SGCZ: variants seen among roughly 807,000 people sequenced by gnomAD.
SGCZ encodes zeta-sarcoglycan.
In SGCZ, 40 loss-of-function variants were observed where a neutral mutation model predicts 41.3. That is an observed-to-expected ratio of 0.97 (90% CI 0.75 to 1.26). The LOEUF (loss-of-function observed/expected upper bound fraction) is 1.26. Ranked by LOEUF, SGCZ falls within the 50% of genes most tolerant of loss-of-function variation. The pLI is 0.00. For missense variants in SGCZ, 552 were observed against 369.8 expected, an observed-to-expected ratio of 1.49 and a Z score of -4.04; for synonymous variants, 206 against 137.5, an observed-to-expected ratio of 1.50 and a Z score of -3.49.
intron 2 of SGCZ, among the ~76,000 whole-genome samples, chr8:14,347,452 G>C (rs1342332356): frequency 6.6e-6 from 1 of 151,926 alleles, no homozygotes; most frequent in African/African-American, 2.4e-5. Context: ...AAAAAGTTAT[G>C]TTCTTCAGGA....
chr8:14,210,637 G>T (rs1261747537), intron 4 of SGCZ, among the ~76,000 whole-genome samples: 2 of 150,626 alleles, frequency 1.3e-5, no homozygotes. Flanking sequence ...TAAATTTTTT[G>T]TATTTTTTTA....
intron 2 of SGCZ, among the ~76,000 whole-genome samples, chr8:14,515,947 C>G (rs1563379814): frequency 1.3e-5 from 2 of 152,014 alleles, no homozygotes; most frequent in African/African-American, 4.8e-5. Context: ...ATCCAGTAAG[C>G]AATACCTTGT....
At chr8:15,042,292 T>G (rs1804130940) in intron 1 of SGCZ, among the ~76,000 whole-genome samples, 1 of 152,154 alleles carries the variant, frequency 6.6e-6, no homozygotes, top group Admixed American at 6.5e-5. Context: ...AGTTCCCTTT[T>G]GTGCTGATGC....
At position 14,550,188 on chromosome 8, in the gene SGCZ, G is replaced by C. The variant is rs897403119; in HGVS notation, c.234+4544C>G. 3.3e-5 allele frequency among the ~76,000 whole-genome samples: 5 copies of C among 151,820 alleles called. No individual in the cohort carries two copies. The South Asian group carries it at 8.3e-4, about 25-fold the overall frequency. On this transcript the variant is annotated intron_variant, in intron 2 of 7. Coordinates refer to ENST00000382080, the MANE Select transcript of SGCZ (RefSeq NM_139167.4). Reference sequence around the variant, plus strand: ...GAGAAGAGATAAATAAATGAGATTTGTTCATTCAGTGAAATGTATAGCAGT... The same window carrying C: ...GAGAAGAGATAAATAAATGAGATTTCTTCATTCAGTGAAATGTATAGCAGT...
intron 1 of SGCZ, among the ~76,000 whole-genome samples, chr8:15,212,729 G>C (rs747166770): frequency 2.0e-4 from 31 of 151,590 alleles, no homozygotes; most frequent in Non-Finnish European, 2.7e-4. Flanking sequence ...GCAGAATTTT[G>C]ACTGGTAAAT....
chr8:15,027,288 G>C (rs1199022704), intron 1 of SGCZ, among the ~76,000 whole-genome samples: 1 of 152,084 alleles, frequency 6.6e-6, no homozygotes, highest in Admixed American at 6.5e-5. Flanking sequence ...ACATTGTTTT[G>C]CTATGGAATC....
chr8:15,116,057 A>C (rs1807257255), intron 1 of SGCZ, among the ~76,000 whole-genome samples: 1 of 152,198 alleles, frequency 6.6e-6, no homozygotes, highest in African/African-American at 2.4e-5. Flanking sequence ...TATATAAGCA[A>C]ATGAATAGCT....
intron 1 of SGCZ, among the ~76,000 whole-genome samples, chr8:14,796,036 G>A (rs1023216257): frequency 6.6e-6 from 1 of 152,024 alleles, no homozygotes; most frequent in African/African-American, 2.4e-5. Flanking sequence ...AGTATTCCAT[G>A]GTGTGTATGT....
At chr8:14,864,257 A>C (rs555257203) in intron 1 of SGCZ, among the ~76,000 whole-genome samples, 1 of 151,860 alleles carries the variant, frequency 6.6e-6, no homozygotes, top group Admixed American at 6.6e-5. Flanking sequence ...TTTTTTTTCT[A>C]TTTCATCCTG....
chr8:14,684,362 C>T (rs143789648), intron 1 of SGCZ, among the ~76,000 whole-genome samples: 19 of 152,198 alleles, frequency 1.2e-4, no homozygotes, highest in African/African-American at 3.4e-4. Flanking sequence ...GTCATGGCAA[C>T]GTATTTATGT....
At chr8:14,608,419 G>C (rs1298344531) in intron 1 of SGCZ, among the ~76,000 whole-genome samples, 3 of 151,560 alleles carry the variant, frequency 2.0e-5, no homozygotes, top group Non-Finnish European at 2.9e-5. Flanking sequence ...GAGGCCACAG[G>C]ATATTTTACT....
At chr8:14,578,697 T>A (rs1410344350) in intron 1 of SGCZ, among the ~76,000 whole-genome samples, 1 of 152,230 alleles carries the variant, frequency 6.6e-6, no homozygotes, top group Non-Finnish European at 1.5e-5. Flanking sequence ...TTACTTGTAA[T>A]TTCAACAAAT....
chr8:14,112,996 C>T (rs1802419727), intron 5 of SGCZ, among the ~76,000 whole-genome samples: 1 of 151,938 alleles, frequency 6.6e-6, no homozygotes, highest in Non-Finnish European at 1.5e-5. Context: ...AATTTATTAC[C>T]TCTCGAAAGA....
At chr8:14,985,890 T>G (rs17574078) in intron 1 of SGCZ, among the ~76,000 whole-genome samples, 1 of 152,156 alleles carries the variant, frequency 6.6e-6, no homozygotes, top group Non-Finnish European at 1.5e-5. Context: ...GAAATGAATG[T>G]GGCAGAAAAC....
At chr8:14,197,696 C>A (rs186356998) in intron 4 of SGCZ, among the ~76,000 whole-genome samples, 1 of 152,008 alleles carries the variant, frequency 6.6e-6, no homozygotes, top group East Asian at 1.9e-4. Context: ...AATCCTAAAT[C>A]TAACATCATA....
At chr8:14,390,820 T>G (rs942211156) in intron 2 of SGCZ, among the ~76,000 whole-genome samples, 1 of 152,078 alleles carries the variant, frequency 6.6e-6, no homozygotes, top group African/African-American at 2.4e-5. Context: ...GTGTATATTT[T>G]TCTAGAAGAT....
At chr8:14,391,109 C>T (rs1403429105) in intron 2 of SGCZ, among the ~76,000 whole-genome samples, 1 of 152,074 alleles carries the variant, frequency 6.6e-6, no homozygotes, top group Non-Finnish European at 1.5e-5. Flanking sequence ...GCAACCAACC[C>T]AATTACATAT....
At chr8:14,523,815 G>T (rs1802860369) in intron 2 of SGCZ, among the ~76,000 whole-genome samples, 1 of 152,030 alleles carries the variant, frequency 6.6e-6, no homozygotes, top group Non-Finnish European at 1.5e-5. Context: ...AACTAGTGAT[G>T]ATACGAATGA....
At chr8:15,042,482 A>T (rs574419801) in intron 1 of SGCZ, among the ~76,000 whole-genome samples, 6 of 152,356 alleles carry the variant, frequency 3.9e-5, no homozygotes, top group African/African-American at 1.4e-4. Flanking sequence ...ATTTCTGAAT[A>T]GCTCATTATA....
Sources: gnomAD v4.1 joint callset for allele counts (sites outside exome capture counted in the v4.1 genomes callset) on GRCh38, gnomAD v4.1.1 for gene constraint, MANE v1.5 for transcripts, NCBI Gene and HGNC (gene_info 2026-07-23, HGNC 2026-07-21) for gene names.